Variants in PLXNB3 observed in about 807,000 individuals in gnomAD.
The protein encoded by PLXNB3 is plexin B3, also known as plexin-B3.
Under a neutral mutation model 125.7 loss-of-function variants are expected in PLXNB3, and 80 were observed. The observed-to-expected ratio is 0.64, with a 90% CI of 0.53 to 0.77. The LOEUF is 0.77. PLXNB3 is among the 30% of genes least tolerant of loss of function. The pLI is 0.00. For missense variants in PLXNB3, 1,836 were observed against 1,729.3 expected, an observed-to-expected ratio of 1.06 and a Z score of -1.09; for synonymous variants, 954 against 783.3, an observed-to-expected ratio of 1.22 and a Z score of -3.64.
rs868946447 is a variant in PLXNB3 at position 153,774,298 on chromosome X, C to T, written c.3632C>T (p.Ala1211Val). Residue 1211 changes from alanine to valine, a missense_variant, in exon 21 of 36, where the codon GCG becomes GTG. Physicochemically the swap from Ala to Val is moderately conservative, Grantham distance 64. Coordinates refer to ENST00000361971, the MANE Select transcript of PLXNB3 (RefSeq NM_005393.3). ...TRTHLYCEPPAHAPQPANGSG... is the reference protein window; with the variant it reads ...TRTHLYCEPPVHAPQPANGSG... ...ACCCACCTGTACTGCGAGCCGCCTG[C>T]GCACGCCCCGCAGCCTGCCAATGGC... 23 of 1,161,741 alleles carry T rather than the reference C, an allele frequency of 2.0e-5. No homozygotes were observed. The highest frequency in any genetic ancestry group is 1.0e-4 in the Admixed American group (4 of 39,960).
intron 16 of PLXNB3, 41 bp from the exon 17 acceptor site, chrX:153,772,845 G>C: frequency 9.3e-7 from 1 of 1,077,083 alleles, no homozygotes; most frequent in South Asian, 2.5e-5. Flanking sequence ...GAAAGGGCCA[G>C]GCTGGGCTGC....
At position 153,771,523 on chromosome X, in the gene PLXNB3, C is replaced by T. The variant is rs1399553280; in HGVS notation, c.2385C>T (p.Cys795=). 2 of 1,204,892 alleles carry T rather than the reference C, an allele frequency of 1.7e-6. No homozygotes were observed. Among genetic ancestry groups the T allele is most frequent in the Non-Finnish European group, 2.2e-6 (2 of 892,300 alleles). The change falls in exon 14 of 36, where the codon TGC becomes TGT. Residue 795 remains cysteine (C), a synonymous_variant. Coordinates refer to ENST00000361971, the MANE Select transcript of PLXNB3 (RefSeq NM_005393.3). ...LYDCAMGHPD[C]SHCQAANRSL... ...ACTGCGCCATGGGCCACCCGGACTGCAGCCACTGCCAAGCGGCCAACAGGA... is the reference window on the plus strand; with the variant it reads ...ACTGCGCCATGGGCCACCCGGACTGTAGCCACTGCCAAGCGGCCAACAGGA...
At chrX:153,766,771 C>G (rs1557059344) in intron 2 of PLXNB3, 102 bp from the exon 3 acceptor site, 2 of 1,090,217 alleles carry the variant, frequency 1.8e-6, no homozygotes, top group Non-Finnish European at 2.4e-6. Context: ...CCCTCCCTCC[C>G]TGGCCCTGAG....
At position 153,778,303 on chromosome X, in the gene PLXNB3, C is replaced by A. The variant is rs782313955; in HGVS notation, c.5452C>A (p.Arg1818Ser). ...ACTGCTCTACGCCCGGGAGATCCCA[C>A]GCTACAAGCAGATGGTGGAGAGGTG... ...NKLLYAREIP[R>S]YKQMVERYYA... Residue 1818 changes from arginine (R) to serine (S), a missense_variant, in exon 33 of 36, where the codon CGC (arginine) becomes AGC (serine). Arg to Ser is a moderately radical substitution (Grantham distance 110, BLOSUM62 -1). Coordinates refer to ENST00000361971, the MANE Select transcript of PLXNB3 (RefSeq NM_005393.3). 5.0e-6 allele frequency: 6 copies of A among 1,200,492 alleles called. No homozygotes were observed. The highest frequency in any genetic ancestry group is 1.8e-5 in the South Asian group (1 of 55,850).
At chrX:153,772,666 G>C (rs1603246924) in intron 16 of PLXNB3, 1 of 989,998 alleles carries the variant, frequency 1.0e-6, no homozygotes, top group Non-Finnish European at 1.3e-6. Context: ...CAGTGAGGAT[G>C]AAAGAGCCCC....
chrX:153,776,861 C>G, intron 28 of PLXNB3, 26 bp from the exon 29 acceptor site: 1 of 1,091,771 alleles, frequency 9.2e-7, no homozygotes, highest in Non-Finnish European at 1.2e-6. Flanking sequence ...GGGGTCAGCA[C>G]AGCCTCCGCT....
Position 153,778,419 on chromosome X carries a change from G to A in PLXNB3, c.5498G>A (p.Ser1833Asn), listed in dbSNP as rs1031655394. 5 of 1,211,452 alleles carry A rather than the reference G, an allele frequency of 4.1e-6. No homozygotes were observed. The highest frequency in any genetic ancestry group is 4.5e-6 in the Non-Finnish European group (4 of 895,472). The change falls in exon 34 of 36, where the codon AGC (serine) becomes AAC (asparagine). Residue 1833 changes from serine (S) to asparagine (N), a missense_variant. Physicochemically the swap from Ser to Asn is conservative, Grantham distance 46. Transcript: ENST00000361971. ...AGGTACTATGCGGACATTCGCCAGA[G>A]CTCTCCGGCGAGCTACCAGGAGATG... ...VERYYADIRQ[S>N]SPASYQEMNS...
chrX:153,773,017 G>C lies in PLXNB3; in HGVS notation c.2906+1G>C. On this transcript the variant is annotated splice_donor_variant, in intron 17 of 35. Coordinates refer to ENST00000361971, the MANE Select transcript of PLXNB3 (RefSeq NM_005393.3). LOFTEE classifies it high-confidence loss of function. ...TCGTGGGTGGCCAACCCTGTCCCAT[G>C]TGAGTCCCGGCCTGGCTGCCGTCGG... is the stretch of plus-strand genomic sequence containing the variant. 2.6e-6 allele frequency: 3 copies of C among 1,172,628 alleles called. No individual in the cohort carries two copies. The highest frequency in any genetic ancestry group is 3.4e-6 in the Non-Finnish European group (3 of 879,017).
rs1232959634 is a variant in PLXNB3 at position 153,765,622 on chromosome X, GGGGCAGGGTA to G, written c.45+50_45+59del. On this transcript the variant is annotated intron_variant, in intron 2 of 35. Coordinates refer to ENST00000361971, the MANE Select transcript of PLXNB3 (RefSeq NM_005393.3). ...GGTGTCCCCAGAAATGTTCCTGGGA[GGGGCAGGGTA>G]GGGCAGGATGGCTGTGGCCAGGCCC... The G allele has an allele frequency of 3.4e-6, 4 of 1,172,915 alleles. No individual in the cohort carries two copies. The African/African-American group carries it at 7.1e-5, about 21-fold the overall frequency.
chrX:153,773,135 C>A, intron 17 of PLXNB3, 95 bp from the exon 18 acceptor site: 3 of 1,076,568 alleles, frequency 2.8e-6, no homozygotes, highest in South Asian at 4.5e-5. Context: ...CTTGTCAAGG[C>A]AGGCAAAGCA....
chrX:153,768,263 G>A lies in PLXNB3; in HGVS notation c.1101G>A (p.Ser367=), dbSNP rs558515318. The A allele has an allele frequency of 5.4e-5, 64 of 1,189,513 alleles. 1 individual carries two copies. The highest frequency in any genetic ancestry group is 2.9e-4 in the South Asian group (16 of 55,302). Reference sequence around the variant, plus strand: ...CTGCCACGTAGGATTCCCCCGAGTCGTACCCCTGTGGCGACGAGCACACCC... The same window carrying A: ...CTGCCACGTAGGATTCCCCCGAGTCATACCCCTGTGGCGACGAGCACACCC... ...CVTLPLDSPE[S]YPCGDEHTPS... The change falls in exon 4 of 36, where the codon TCG becomes TCA. Residue 367 remains serine, a synonymous_variant. Coordinates refer to ENST00000361971, the MANE Select transcript of PLXNB3 (RefSeq NM_005393.3).
At chrX:153,778,704 C>T (rs782221756) in intron 35 of PLXNB3, 30 bp downstream of exon 35, 1 of 1,164,481 alleles carries the variant, frequency 8.6e-7, no homozygotes, top group African/African-American at 1.7e-5. Flanking sequence ...GGAGGGGAGG[C>T]ACAGTGGAGC....
In PLXNB3 at chrX:153,771,886, C is replaced by G; in HGVS notation, c.2540C>G (p.Pro847Arg). Reference sequence around the variant, plus strand: ...CAGGTCGAGCCCCTGACCGGTCCCCCTGAGGGAGGCTTGGCCCTCACCATC... The same window carrying G: ...CAGGTCGAGCCCCTGACCGGTCCCCGTGAGGGAGGCTTGGCCCTCACCATC... ...IDAVEPLTGP[P>R]EGGLALTILG... Residue 847 changes from proline (P) to arginine (R), a missense_variant, in exon 15 of 36, where the codon CCT becomes CGT. Coordinates refer to ENST00000361971, the MANE Select transcript of PLXNB3 (RefSeq NM_005393.3). 2 of 1,209,177 alleles carry G rather than the reference C, an allele frequency of 1.7e-6. No homozygotes were observed. Among genetic ancestry groups the G allele is most frequent in the Non-Finnish European group, 2.2e-6 (2 of 895,055 alleles).
chrX:153,768,194 C>T, intron 3 of PLXNB3, 55 bp from the exon 4 acceptor site: 1 of 1,100,820 alleles, frequency 9.1e-7, no homozygotes, highest in Non-Finnish European at 1.2e-6. Context: ...GGTACCCCCC[C>T]TGACTGCCTC....
At chrX:153,777,879 G>A (rs962652068) in intron 31 of PLXNB3, 69 bp from the exon 32 acceptor site, 3 of 1,140,227 alleles carry the variant, frequency 2.6e-6, no homozygotes, top group Non-Finnish European at 3.5e-6. Context: ...CCAGTAGGCT[G>A]GAGTACATGG....
rs868947618 is a variant in PLXNB3 at position 153,776,232 on chromosome X, G to A, written c.4729+18G>A. On this transcript the variant is annotated intron_variant, in intron 27 of 35. Transcript: ENST00000361971. ...AGACCTTGGTGAGAGAGCCAGCCCT[G>A]CCCACCCACCCCAGGGACCCTTCCC... The A allele has an allele frequency of 7.2e-6, 8 of 1,103,659 alleles. No homozygotes were observed. The highest frequency in any genetic ancestry group is 5.5e-4 in the Middle Eastern group (2 of 3,648). 91.0% of individuals were successfully genotyped at this position (1,103,659 alleles called of 1,213,427 possible).
At chrX:153,772,114 T>G in intron 15 of PLXNB3, 68 bp from the exon 16 acceptor site, 2 of 870,612 alleles carry the variant, frequency 2.3e-6, no homozygotes, top group Non-Finnish European at 1.4e-6. Flanking sequence ...GGCACTCGGG[T>G]CAGGGGAGGG....
chrX:153,769,115 G>T (rs187376362), intron 5 of PLXNB3, 39 bp downstream of exon 5: 1 of 1,202,262 alleles, frequency 8.3e-7, no homozygotes, highest in Non-Finnish European at 1.1e-6. Context: ...CAGCACACGC[G>T]GCCCAAGTCT....
rs781988455 is a variant in PLXNB3 at position 153,771,684 on chromosome X, C to T, written c.2517+29C>T. On this transcript the variant is annotated intron_variant, in intron 14 of 35. Transcript: ENST00000361971. ...AGTCTCCTGCCGGGCCCCCACAGCC[C>T]AGTGGCCCACTTCTCCTGCCCCGCA... The T allele has an allele frequency of 7.8e-6, 9 of 1,155,746 alleles. No homozygotes were observed. In the East Asian group the frequency reaches 2.1e-4, roughly 27 times the overall value.
Sources: gnomAD v4.1 joint callset for allele counts on GRCh38, gnomAD v4.1.1 for gene constraint, MANE v1.5 for transcripts, NCBI Gene and HGNC (gene_info 2026-07-23, HGNC 2026-07-21) for gene names.